The following RGPD3 variants were observed in gnomAD, a reference collection of about 807,000 sequenced individuals.
RGPD3 encodes RANBP2 like and GRIP domain containing 3, also known as ranBP2-like and GRIP domain-containing protein 3.
Under a neutral mutation model 154.5 loss-of-function variants are expected in RGPD3, and 62 were observed. That is an observed-to-expected ratio of 0.40 (90% confidence interval 0.33 to 0.50). The LOEUF is 0.50. Ranked by LOEUF, RGPD3 falls within the 20% of genes least tolerant of loss-of-function variation. RGPD3 has a pLI of 0.59. For missense variants in RGPD3, 919 were observed against 1,716.8 expected (o/e 0.54, Z 8.21); for synonymous variants, 308 against 607.0 (o/e 0.51, Z 7.24).
intron 1 of RGPD3, among the ~76,000 whole-genome samples, chr2:106,462,074 G>A (rs539009590): frequency 2.6e-5 from 4 of 152,034 alleles, no homozygotes; most frequent in Admixed American, 6.5e-5. Flanking sequence ...AGTAGAGATG[G>A]GGTTTCACCA....
At chr2:106,418,534 C>T (rs1469775693) in intron 20 of RGPD3, among the ~76,000 whole-genome samples, 13 of 152,082 alleles carry the variant, frequency 8.5e-5, no homozygotes, top group Non-Finnish European at 4.4e-5. Context: ...AATTACATTG[C>T]CTAGCAAGAC....
rs1220709940 is a variant in RGPD3 at position 106,423,377 on chromosome 2, TG to T, written c.4589del (p.Thr1530LysfsTer49). ...ACTTTGGAGGAGAAACCACTGCTTT[TG>T]TTGTTGTTTCAGATGTGCTAGACAC... The part of the protein sequence containing the change: ...VEVSSTSETT[T>X]KAVVSPPKFV... On this transcript the variant is annotated frameshift_variant, in exon 20 of 23. Coordinates refer to ENST00000409886, the MANE Select transcript of RGPD3 (RefSeq NM_001144013.2). LOFTEE classifies it high-confidence loss of function. The T allele has an allele frequency of 6.2e-7, 1 of 1,610,800 alleles. No individual in the cohort carries two copies. Among genetic ancestry groups the T allele is most frequent in the Non-Finnish European group, 8.5e-7 (1 of 1,179,176 alleles).
chr2:106,421,224 G>C (rs1157789508), intron 20 of RGPD3, among the ~76,000 whole-genome samples: 1 of 151,710 alleles, frequency 6.6e-6, no homozygotes, highest in African/African-American at 2.4e-5. Flanking sequence ...AGGTCCCTTG[G>C]GACAATGACA....
chr2:106,447,677 T>C (rs1031853487), intron 6 of RGPD3, 64 bp from the exon 7 acceptor site: 2 of 91,458 alleles, frequency 2.2e-5, no homozygotes, highest in African/African-American at 8.9e-5. Flanking sequence ...TCATGGTTCA[T>C]TTAATTCAAA....
intron 22 of RGPD3, among the ~76,000 whole-genome samples, chr2:106,412,458 T>C (rs2104444467): frequency 6.6e-6 from 1 of 151,758 alleles, no homozygotes; most frequent in African/African-American, 2.4e-5. Flanking sequence ...TACAGGCGCA[T>C]GCCACCACGT....
chr2:106,406,851 A>G (rs538696813), intron 22 of RGPD3, among the ~76,000 whole-genome samples: 72 of 152,338 alleles, frequency 4.7e-4, no homozygotes, highest in South Asian at 3.7e-3. Flanking sequence ...TAGGCAGAGT[A>G]GCATTTTCAA....
At chr2:106,421,597 C>T (rs1379100303) in intron 20 of RGPD3, among the ~76,000 whole-genome samples, 2 of 151,868 alleles carry the variant, frequency 1.3e-5, no homozygotes, top group East Asian at 1.9e-4. Flanking sequence ...CTAGTAGCCA[C>T]ACTTCTAAAA....
In RGPD3 at chr2:106,466,447, GGCC is replaced by G. The variant is rs1372938754; in HGVS notation, c.72+1767_72+1769del. On this transcript the variant is annotated intron_variant, in intron 1 of 22. Transcript: ENST00000409886. ...GGAGCCATGACGCCTGAGCCATCGA[GGCC>G]GCCGCTGGGCCGGGTCGAGGCCGGC... Among the ~76,000 whole-genome samples the G allele has an allele frequency of 7.5e-5, 9 of 120,630 alleles. No individual in the cohort carries two copies. The East Asian group carries it at 2.1e-3, about 28-fold the overall frequency. 79.1% of individuals were successfully genotyped at this position (120,630 alleles called of 152,430 possible). A position where few individuals can be genotyped will look rare whatever the true frequency, so the allele number is the denominator to read the frequency against.
intron 20 of RGPD3, among the ~76,000 whole-genome samples, chr2:106,421,339 G>A (rs550241772): frequency 5.9e-4 from 89 of 152,030 alleles, no homozygotes; most frequent in African/African-American, 2.0e-3. Context: ...GAAACTGTAC[G>A]CAAGTATACA....
intron 7 of RGPD3, among the ~76,000 whole-genome samples, chr2:106,444,766 A>T (rs1290823437): frequency 1.3e-5 from 2 of 150,794 alleles, no homozygotes; most frequent in Admixed American, 6.6e-5. Context: ...GAGTTCGAGG[A>T]TGCAGTGAGC....
chr2:106,468,224 G>A lies in RGPD3; in HGVS notation c.65C>T (p.Pro22Leu), dbSNP rs1236055176. 3 of 1,605,782 alleles carry A rather than the reference G, an allele frequency of 1.9e-6. No homozygotes were observed. The highest frequency in any genetic ancestry group is 2.2e-5 in the East Asian group (1 of 44,652). The change falls in exon 1 of 23, where the codon CCT (proline) becomes CTT (leucine). Residue 22 changes from proline (P) to leucine (L), a missense_variant. Pro to Leu is a moderately conservative substitution (Grantham distance 98, BLOSUM62 -3). Transcript: ENST00000409886. ...VASVQGSAPS[P>L]RKKSTRGFYF... is the part of the protein sequence containing the mutation. ...TCTTCCAGACCCACTCACCTTTCGA[G>A]GCGACGGGGCGGAGCCCTGCACCGA...
At chr2:106,444,780 G>A (rs1465862065) in intron 7 of RGPD3, among the ~76,000 whole-genome samples, 2 of 150,684 alleles carry the variant, frequency 1.3e-5, no homozygotes, top group Non-Finnish European at 3.0e-5. Context: ...AGTGAGCTAT[G>A]ATCATGCCAC....
intron 22 of RGPD3, among the ~76,000 whole-genome samples, chr2:106,406,785 C>G (rs1248373119): frequency 6.6e-6 from 1 of 152,134 alleles, no homozygotes; most frequent in Non-Finnish European, 1.5e-5. Context: ...TTTGGTATTA[C>G]CCTTCCAGAC....
In RGPD3 at chr2:106,446,306, C is replaced by T. The variant is rs1230864669; in HGVS notation, c.978+1112G>A. 2.0e-5 allele frequency among the ~76,000 whole-genome samples: 3 copies of T among 150,276 alleles called. No homozygotes were observed. The East Asian group carries it at 5.9e-4, about 29-fold the overall frequency. ...AAAAGGCTGGGCATGGTGGCTCACGCCTGTAAATCCCAGCACTCTGGGAGG... is the reference window on the plus strand; with the variant it reads ...AAAAGGCTGGGCATGGTGGCTCACGTCTGTAAATCCCAGCACTCTGGGAGG... On this transcript the variant is annotated intron_variant, in intron 7 of 22. Coordinates refer to ENST00000409886, the MANE Select transcript of RGPD3 (RefSeq NM_001144013.2).
At chr2:106,420,934 C>A (rs1394834730) in intron 20 of RGPD3, among the ~76,000 whole-genome samples, 1 of 152,128 alleles carries the variant, frequency 6.6e-6, no homozygotes, top group African/African-American at 2.4e-5. Flanking sequence ...AGCCATTGCA[C>A]CAAATGACAA....
chr2:106,410,886 A>G (rs1160855780), intron 22 of RGPD3, among the ~76,000 whole-genome samples: 1 of 152,168 alleles, frequency 6.6e-6, no homozygotes, highest in Non-Finnish European at 1.5e-5. Flanking sequence ...ATAGAAACCT[A>G]TCCTATAGTT....
At chr2:106,447,785 T>A (rs1023088586) in intron 6 of RGPD3, among the ~76,000 whole-genome samples, 172 bp from the exon 7 acceptor site, 1 of 144,320 alleles carries the variant, frequency 6.9e-6, no homozygotes, top group African/African-American at 2.6e-5. Context: ...TAATGCTTAT[T>A]TTTATCCTGC....
intron 21 of RGPD3, among the ~76,000 whole-genome samples, chr2:106,413,589 C>A (rs1369053557): frequency 6.6e-6 from 1 of 152,198 alleles, no homozygotes; most frequent in Non-Finnish European, 1.5e-5. Context: ...CTATATGACT[C>A]CACTGTCCTA....
Position 106,417,626 on chromosome 2 carries a change from T to C in RGPD3, c.4925-1637A>G, listed in dbSNP as rs1676858681. On this transcript the variant is annotated intron_variant, in intron 20 of 22. Coordinates refer to ENST00000409886, the MANE Select transcript of RGPD3 (RefSeq NM_001144013.2). ...TCTAGAAGCGGGAGGTCTGTGTTTC[T>C]CCTTTCTCGAAGGTTCTTCAAAGAT... 2.0e-5 allele frequency among the ~76,000 whole-genome samples: 3 copies of C among 150,282 alleles called. No homozygotes were observed. The East Asian group carries it at 5.8e-4, about 29-fold the overall frequency.
Sources: gnomAD v4.1 joint callset for allele counts (sites outside exome capture counted in the v4.1 genomes callset) on GRCh38, gnomAD v4.1.1 for gene constraint, MANE v1.5 for transcripts, NCBI Gene and HGNC (gene_info 2026-07-23, HGNC 2026-07-21) for gene names.